SPATA6: variants seen among roughly 807,000 people sequenced by gnomAD.
SPATA6 encodes the protein spermatogenesis-associated protein 6.
A neutral mutation model predicts 65.3 loss-of-function variants in SPATA6; 56 were observed. The observed-to-expected ratio is 0.86, with a 90% confidence interval of 0.69 to 1.07. The LOEUF (loss-of-function observed/expected upper bound fraction) is 1.07, where lower values mean the gene tolerates loss of function less well. Ranked by LOEUF, SPATA6 falls within the 50% of genes least tolerant of loss-of-function variation. SPATA6 has a pLI of 0.00. For synonymous variants in SPATA6, 199 were observed against 213.2 expected, an observed-to-expected ratio of 0.93 and a Z score of 0.58; for missense variants, 590 against 594.8, an observed-to-expected ratio of 0.99 and a Z score of 0.08.
chr1:48,456,221 T>C (rs1656986951), intron 1 of SPATA6, among the ~76,000 whole-genome samples: 1 of 152,180 alleles, frequency 6.6e-6, no homozygotes, highest in Non-Finnish European at 1.5e-5. Flanking sequence ...AAAGACCTCT[T>C]GGTTCAAACA....
intron 6 of SPATA6, chr1:48,400,827 T>C (rs1248635658): frequency 2.3e-6 from 3 of 1,286,972 alleles, no homozygotes; most frequent in Non-Finnish European, 3.1e-6. Context: ...GGTATGCTTC[T>C]GGACCTTCTC....
chr1:48,283,561 C>T, the SPATA6 span, among the ~76,000 whole-genome samples: 1 of 149,152 alleles, frequency 6.7e-6, no homozygotes. Flanking sequence ...TGCTTGTAAT[C>T]CCAGCTACTC....
At chr1:48,305,702 C>G (rs1448384568) in intron 12 of SPATA6, 85 bp downstream of exon 12, 1 of 1,006,524 alleles carries the variant, frequency 9.9e-7, no homozygotes, top group Non-Finnish European at 1.4e-6. Flanking sequence ...CCTTTTGAGT[C>G]TAAATTTCCC....
At chr1:48,280,090 C>G in the SPATA6 span, among the ~76,000 whole-genome samples, 1 of 152,108 alleles carries the variant, frequency 6.6e-6, no homozygotes. Flanking sequence ...CTACTGGGTA[C>G]ATAACGAAAT....
the SPATA6 span, among the ~76,000 whole-genome samples, chr1:48,288,864 G>A: frequency 6.6e-6 from 1 of 152,210 alleles, no homozygotes; most frequent in Non-Finnish European, 1.5e-5. Context: ...AAACTGGGTG[G>A]AGCCCACTGC....
chr1:48,332,793 G>A (rs1198422023), intron 11 of SPATA6, among the ~76,000 whole-genome samples: 6 of 152,078 alleles, frequency 3.9e-5, no homozygotes, highest in Admixed American at 3.3e-4. Context: ...TCGCCACATG[G>A]TACACACTGT....
rs1025699192 is a variant in SPATA6, at chr1:48,301,567, C to G, written c.1287-2674G>C. The stretch of plus-strand genomic sequence containing the variant: ...CACACAAAAAAAAAAACTAGAATAG[C>G]CAAAGCAATCCTGAGCAAACAGAAC... On this transcript the variant is annotated intron_variant, in intron 12 of 12. Coordinates refer to ENST00000371847, the MANE Select transcript of SPATA6 (RefSeq NM_019073.4). 7.9e-5 allele frequency among the ~76,000 whole-genome samples: 12 copies of G among 151,152 alleles called. No homozygotes were observed. In the South Asian group the frequency reaches 2.1e-3, roughly 26 times the overall value.
At chr1:48,397,334 G>T (rs1371854167) in intron 7 of SPATA6, among the ~76,000 whole-genome samples, 1 of 151,636 alleles carries the variant, frequency 6.6e-6, no homozygotes, top group Non-Finnish European at 1.5e-5. Flanking sequence ...CTTTAAATTC[G>T]AAATGGTAAA....
At chr1:48,450,470 G>C (rs916529912) in intron 3 of SPATA6, among the ~76,000 whole-genome samples, 2 of 151,756 alleles carry the variant, frequency 1.3e-5, no homozygotes, top group Admixed American at 6.6e-5. Context: ...TTTAACAGAA[G>C]AATTTCAAAA....
chr1:48,332,684 G>A (rs1055037268), intron 11 of SPATA6, among the ~76,000 whole-genome samples: 14 of 152,094 alleles, frequency 9.2e-5, no homozygotes, highest in East Asian at 1.9e-4. Context: ...GAAAATTAAC[G>A]AAGAGATGCA....
chr1:48,314,005 T>C (rs775319264), intron 11 of SPATA6, among the ~76,000 whole-genome samples: 5 of 152,180 alleles, frequency 3.3e-5, no homozygotes, highest in Admixed American at 6.5e-5. Flanking sequence ...CCTAAATACA[T>C]ATGCACCCAA....
intron 3 of SPATA6, chr1:48,436,416 C>A: frequency 6.2e-7 from 1 of 1,608,552 alleles, no homozygotes; most frequent in Non-Finnish European, 8.5e-7. Flanking sequence ...TCTTGAGGAC[C>A]TGTTTTCCTG....
intron 2 of SPATA6, among the ~76,000 whole-genome samples, chr1:48,452,231 GA>G (rs1278209393): frequency 6.6e-6 from 1 of 151,964 alleles, no homozygotes; most frequent in Admixed American, 6.6e-5. Flanking sequence ...AAGAAAGACG[GA>G]AAAAGGGAAG....
intron 2 of SPATA6, 95 bp downstream of exon 2, chr1:48,452,895 ACAGT>A (rs1656700555): frequency 1.5e-6 from 2 of 1,371,084 alleles, no homozygotes; most frequent in East Asian, 2.5e-5. Context: ...ACCAAAGCAC[ACAGT>A]CAGCAGTAAT....
chr1:48,402,902 G>A (rs1397137729), intron 6 of SPATA6, among the ~76,000 whole-genome samples: 1 of 152,172 alleles, frequency 6.6e-6, no homozygotes, highest in Non-Finnish European at 1.5e-5. Flanking sequence ...GACTAGGCCA[G>A]GCAGATAAGT....
intron 11 of SPATA6, chr1:48,325,240 G>A: frequency 1.3e-6 from 1 of 772,456 alleles, no homozygotes; most frequent in Non-Finnish European, 2.2e-6. Context: ...CCACAACAGG[G>A]GCAAGGTTTG....
At chr1:48,458,013 G>T (rs940163237) in intron 1 of SPATA6, among the ~76,000 whole-genome samples, 1 of 150,488 alleles carries the variant, frequency 6.6e-6, no homozygotes, top group African/African-American at 2.4e-5. Context: ...TAGAAGAAAG[G>T]TTTTCTGTAA....
the SPATA6 span, chr1:48,262,845 A>T: frequency 1.3e-5 from 2 of 152,220 alleles, no homozygotes; most frequent in Non-Finnish European, 2.9e-5. Context: ...TGGACATTTG[A>T]AAAGTCTAAT....
chr1:48,381,088 T>C (rs922494830), intron 9 of SPATA6, among the ~76,000 whole-genome samples: 1 of 152,156 alleles, frequency 6.6e-6, no homozygotes, highest in Admixed American at 6.5e-5. Context: ...TATGAGAATC[T>C]AATGCTGCCA....
Sources: allele counts gnomAD v4.1 joint callset (sites outside exome capture counted in the v4.1 genomes callset), GRCh38; gene constraint gnomAD v4.1.1; transcripts MANE v1.5; gene names NCBI Gene and HGNC (gene_info 2026-07-23, HGNC 2026-07-21).